The following CES5A variants were observed in gnomAD, a reference collection of about 807,000 sequenced individuals.
CES5A encodes the protein carboxylesterase 5A.
A neutral mutation model predicts 62.9 loss-of-function variants in CES5A; 67 were observed. The observed-to-expected ratio is 1.07, with a 90% CI of 0.88 to 1.31. CES5A has a LOEUF of 1.31. Among genes scored for constraint, CES5A ranks in the 50% most tolerant of loss-of-function variants. The pLI is 0.00. For missense variants in CES5A, 748 were observed against 708.5 expected, an observed-to-expected ratio of 1.06 and a Z score of -0.63; for synonymous variants, 296 against 280.8, an observed-to-expected ratio of 1.05 and a Z score of -0.54.
upstream of CES5A, among the ~76,000 whole-genome samples, chr16:55,928,892 C>T (rs2034283158): frequency 6.6e-6 from 1 of 152,158 alleles, no homozygotes; most frequent in African/African-American, 2.4e-5. Context: ...CCCCAGGACT[C>T]AGAGGTCCCA....
chr16:55,942,260 C>T (rs959660135), intron 2 of CES5A, among the ~76,000 whole-genome samples: 11 of 152,214 alleles, frequency 7.2e-5, no homozygotes, highest in South Asian at 2.1e-4. Context: ...TATGAAAAGA[C>T]GTCATTAAGA....
At chr16:55,938,819 C>CACACATATATATATAT (rs2034414917) in intron 2 of CES5A, among the ~76,000 whole-genome samples, 2 of 100,980 alleles carry the variant, frequency 2.0e-5, no homozygotes, top group East Asian at 3.0e-4. Context: ...TATATATACA[C>CACACATATATATATAT]ACACATATAT....
chr16:55,882,523 A>G (rs1157049901), intron 1 of CES5A, among the ~76,000 whole-genome samples: 1 of 152,168 alleles, frequency 6.6e-6, no homozygotes, highest in Non-Finnish European at 1.5e-5. Context: ...TCACCTAGGC[A>G]ACAGGACTGA....
intron 1 of CES5A, among the ~76,000 whole-genome samples, chr16:55,884,888 G>A (rs62039561): frequency 1.1e-4 from 16 of 152,018 alleles, no homozygotes; most frequent in Non-Finnish European, 1.5e-4. Flanking sequence ...CACTGTGCCC[G>A]GCCTTACCAC....
At chr16:55,863,941 G>A (rs763041397) in intron 5 of CES5A, among the ~76,000 whole-genome samples, 51 of 152,036 alleles carry the variant, frequency 3.4e-4, no homozygotes, top group Non-Finnish European at 6.9e-4. Flanking sequence ...ATTTTTAGCA[G>A]AGACGGGATT....
intron 7 of CES5A, among the ~76,000 whole-genome samples, chr16:55,859,973 G>C (rs558525785): frequency 6.6e-6 from 1 of 152,290 alleles, no homozygotes; most frequent in South Asian, 2.1e-4. Context: ...CTGTTATATG[G>C]TTTGGCTGTG....
chr16:55,879,481 C>T (rs1380941061), upstream of CES5A, among the ~76,000 whole-genome samples: 1 of 152,084 alleles, frequency 6.6e-6, no homozygotes, highest in Non-Finnish European at 1.5e-5. Flanking sequence ...TCACTGCATC[C>T]CATCTCTGTA....
rs79288085 is a variant in CES5A, at chr16:55,901,574, C to A, written c.-256+23749G>T. On this transcript the variant is annotated intron_variant, in intron 1 of 12. Transcript: ENST00000518005. ...TCCTGGCAAGAAAGCCTTCCCCTTACAAAATGTATCCAATCCTTGGCTCGG... is the reference window on the plus strand; with the variant it reads ...TCCTGGCAAGAAAGCCTTCCCCTTAAAAAATGTATCCAATCCTTGGCTCGG... 6.2e-3 allele frequency among the ~76,000 whole-genome samples: 942 copies of A among 152,308 alleles called. 14 individuals are homozygous for A. The highest frequency in any genetic ancestry group is 0.022 in the African/African-American group (909 of 41,560).
intron 1 of CES5A, among the ~76,000 whole-genome samples, chr16:55,923,064 T>C (rs2034224482): frequency 6.6e-6 from 1 of 151,462 alleles, no homozygotes; most frequent in African/African-American, 2.4e-5. Flanking sequence ...TTTATAGCAG[T>C]AAACACTTAT....
chr16:55,937,637 C>G (rs144954224), intron 2 of CES5A, among the ~76,000 whole-genome samples: 12 of 152,190 alleles, frequency 7.9e-5, no homozygotes, highest in African/African-American at 2.7e-4. Flanking sequence ...ACAACTGGGA[C>G]GCCTGCAAAG....
Position 55,939,534 on chromosome 16 carries a change from C to T in CES5A, c.160+10251G>A, listed in dbSNP as rs538614796. Among the ~76,000 whole-genome samples, 284 of 152,038 alleles carry T rather than the reference C, an allele frequency of 1.9e-3. 2 individuals are homozygous for T. Among genetic ancestry groups the T allele is most frequent in the African/African-American group, 6.5e-3 (269 of 41,468 alleles). On this transcript the variant is annotated intron_variant, in intron 2 of 13. Coordinates refer to the CES5A transcript ENST00000521992. ...TTCTAGGACCAGAAGATGACATGGC[C>T]CCCTGACACCCTGATGTGGTCATTA...
chr16:55,860,466 G>A (rs2033331042), intron 7 of CES5A, among the ~76,000 whole-genome samples: 1 of 152,116 alleles, frequency 6.6e-6, no homozygotes, highest in African/African-American at 2.4e-5. Flanking sequence ...TATAGCCCAG[G>A]AACCTTCTTG....
chr16:55,872,784 C>T (rs1369333703), intron 2 of CES5A, among the ~76,000 whole-genome samples: 2 of 152,224 alleles, frequency 1.3e-5, no homozygotes, highest in African/African-American at 2.4e-5. Flanking sequence ...CCTCAGCACC[C>T]TTCCCTGACA....
At chr16:55,953,560 A>T (rs2034579473) in intron 1 of CES5A, among the ~76,000 whole-genome samples, 1 of 152,152 alleles carries the variant, frequency 6.6e-6, no homozygotes, top group Non-Finnish European at 1.5e-5. Context: ...GGAAAAAAAA[A>T]CCTGAAAAAT....
At chr16:55,938,565 G>A (rs1039105493) in intron 2 of CES5A, among the ~76,000 whole-genome samples, 38 of 150,594 alleles carry the variant, frequency 2.5e-4, no homozygotes, top group African/African-American at 7.3e-4. Flanking sequence ...GTGAAACCCC[G>A]TCTCTACTAA....
chr16:55,921,396 C>T (rs1366209767), intron 1 of CES5A, among the ~76,000 whole-genome samples: 7 of 151,834 alleles, frequency 4.6e-5, no homozygotes, highest in African/African-American at 1.5e-4. Flanking sequence ...ACAAAGGAGC[C>T]TCAATTTGTC....
upstream of CES5A, among the ~76,000 whole-genome samples, chr16:55,930,083 A>T (rs1177758923): frequency 1.3e-5 from 2 of 152,126 alleles, no homozygotes; most frequent in African/African-American, 4.8e-5. Flanking sequence ...TAATGGTCAG[A>T]TGGAACACAC....
intron 2 of CES5A, among the ~76,000 whole-genome samples, chr16:55,945,396 T>C (rs554695167): frequency 1.3e-5 from 2 of 152,364 alleles, no homozygotes; most frequent in South Asian, 4.1e-4. Flanking sequence ...GAGCGCTGCC[T>C]TCAGCTGTTC....
chr16:55,891,089 C>T (rs2033871932), intron 1 of CES5A, among the ~76,000 whole-genome samples: 1 of 152,100 alleles, frequency 6.6e-6, no homozygotes, highest in Non-Finnish European at 1.5e-5. Flanking sequence ...TGACTCATTC[C>T]AATTTCCTGC....
Sources: gnomAD v4.1 joint callset for allele counts (sites outside exome capture counted in the v4.1 genomes callset) on GRCh38, gnomAD v4.1.1 for gene constraint, MANE v1.5 for transcripts, NCBI Gene and HGNC (gene_info 2026-07-23, HGNC 2026-07-21) for gene names.